Variants in ZNF385D observed in about 807,000 individuals in gnomAD.
The protein encoded by ZNF385D is zinc finger protein 659.
In ZNF385D, 15 loss-of-function variants were observed where a neutral mutation model predicts 35.8. That is an observed-to-expected ratio of 0.42 (90% CI 0.28 to 0.64). The LOEUF (loss-of-function observed/expected upper bound fraction) is 0.64. Ranked by LOEUF, ZNF385D falls within the 30% of genes least tolerant of loss-of-function variation. The probability of loss-of-function intolerance (pLI) is 0.23; values close to 1 mark genes in which losing one functional copy is unlikely to be tolerated. For missense variants in ZNF385D, 474 were observed against 494.6 expected (o/e 0.96, Z 0.39); for synonymous variants, 212 against 186.8 (o/e 1.13, Z -1.10).
chr3:21,417,898 G>T lies in ZNF385D; in HGVS notation c.*3316C>A, dbSNP rs761899598. 6.6e-6 allele frequency: 1 copy of T among 152,124 alleles called. No homozygotes were observed. The highest frequency in any genetic ancestry group is 2.4e-5 in the African/African-American group (1 of 41,438). The allele number at this position is 152,124 out of a possible 1,614,324, so 9.4% of individuals were successfully genotyped here. A position where few individuals can be genotyped will look rare whatever the true frequency, so the allele number is the denominator to read the frequency against. On this transcript the variant is annotated 3_prime_UTR_variant, in exon 8 of 8. Coordinates refer to ENST00000281523, the MANE Select transcript of ZNF385D (RefSeq NM_024697.3). ...AGAAGCCAAATAGTACCTAAAGATA[G>T]AAATCCTTTCAAATGAGGCAGGGGT...
rs927458589 is a variant in ZNF385D at position 22,104,971 on chromosome 3, T to C, written c.325+63846A>G. Among the ~76,000 whole-genome samples, 23 of 152,148 alleles carry C rather than the reference T, an allele frequency of 1.5e-4. 1 individual carries two copies. Among genetic ancestry groups the C allele is most frequent in the African/African-American group, 4.3e-4 (18 of 41,438 alleles). On this transcript the variant is annotated intron_variant, in intron 3 of 5. Transcript: ENST00000494108. Reference sequence around the variant, plus strand: ...TGCAACTTGCCACAACGTCTTTACATTGACCCAGTATTATTAGAGAATGAA... The same window carrying C: ...TGCAACTTGCCACAACGTCTTTACACTGACCCAGTATTATTAGAGAATGAA...
intron 3 of ZNF385D, among the ~76,000 whole-genome samples, chr3:22,079,636 C>T (rs1020506588): frequency 1.3e-5 from 2 of 151,926 alleles, no homozygotes; most frequent in Non-Finnish European, 2.9e-5. Flanking sequence ...CAGGGAGATA[C>T]TGCACTAAAG....
chr3:22,288,612 G>A (rs931741428), intron 2 of ZNF385D, among the ~76,000 whole-genome samples: 10 of 151,886 alleles, frequency 6.6e-5, no homozygotes, highest in Non-Finnish European at 1.2e-4. Flanking sequence ...TCTCTTTGTT[G>A]AAATTCTCAG....
rs140115010 is a variant in ZNF385D at position 21,662,605 on chromosome 3, G to C, written c.165+2281C>G. Among the ~76,000 whole-genome samples, 546 of 152,246 alleles carry C rather than the reference G, an allele frequency of 3.6e-3. 4 individuals carry two copies. Among genetic ancestry groups the C allele is most frequent in the African/African-American group, 0.012 (501 of 41,540 alleles). ...TGAGTCAAAAGCTACCTGATTATGG[G>C]CTTTCCAACAATTCACTTCAGTTGG... On this transcript the variant is annotated intron_variant, in intron 2 of 7. Transcript: ENST00000281523.
intron 3 of ZNF385D, among the ~76,000 whole-genome samples, chr3:21,975,183 A>T (rs1478266152): frequency 6.6e-6 from 1 of 152,200 alleles, no homozygotes; most frequent in African/African-American, 2.4e-5. Flanking sequence ...TCAACAGACA[A>T]ATTGATAAGG....
At chr3:21,871,183 C>T (rs1392001328) in intron 3 of ZNF385D, among the ~76,000 whole-genome samples, 1 of 152,058 alleles carries the variant, frequency 6.6e-6, no homozygotes, top group Non-Finnish European at 1.5e-5. Context: ...TGCTGTTGTA[C>T]CAGGTCCTGT....
At chr3:21,526,176 A>T (rs1309227821) in intron 3 of ZNF385D, among the ~76,000 whole-genome samples, 2 of 152,164 alleles carry the variant, frequency 1.3e-5, no homozygotes, top group Non-Finnish European at 2.9e-5. Flanking sequence ...ACTAAGAGAA[A>T]TCAAGCATGA....
intron 3 of ZNF385D, among the ~76,000 whole-genome samples, chr3:22,105,820 A>G (rs1702182428): frequency 6.6e-6 from 1 of 152,196 alleles, no homozygotes; most frequent in Non-Finnish European, 1.5e-5. Context: ...TCTCACAGAC[A>G]AAATAATGTT....
At chr3:21,585,062 T>A (rs75536370) in intron 2 of ZNF385D, among the ~76,000 whole-genome samples, 1 of 139,924 alleles carries the variant, frequency 7.1e-6, no homozygotes, top group African/African-American at 2.7e-5. Flanking sequence ...GTGCCAGTTT[T>A]TGAAATATAA....
intron 3 of ZNF385D, among the ~76,000 whole-genome samples, chr3:22,166,017 A>G (rs1706294984): frequency 1.4e-5 from 2 of 140,550 alleles, no homozygotes; most frequent in Admixed American, 1.4e-4. Flanking sequence ...TTTTGGCTCC[A>G]GGATCTCCCC....
intron 3 of ZNF385D, among the ~76,000 whole-genome samples, chr3:22,080,245 C>A (rs534384630): frequency 6.6e-6 from 1 of 152,172 alleles, no homozygotes; most frequent in East Asian, 1.9e-4. Flanking sequence ...GTTACTGACA[C>A]AGTAGAGTCT....
intron 2 of ZNF385D, among the ~76,000 whole-genome samples, chr3:21,615,955 G>A (rs1451375077): frequency 6.6e-6 from 1 of 152,040 alleles, no homozygotes; most frequent in Non-Finnish European, 1.5e-5. Flanking sequence ...ACAACTTTCT[G>A]AAAGGCTAAT....
At chr3:22,261,961 G>A (rs1019701145) in intron 2 of ZNF385D, among the ~76,000 whole-genome samples, 1 of 151,780 alleles carries the variant, frequency 6.6e-6, no homozygotes, top group Non-Finnish European at 1.5e-5. Context: ...ACCTATTTGA[G>A]TGTGCCACCT....
At chr3:21,441,982 T>C (rs1471615691) in intron 4 of ZNF385D, among the ~76,000 whole-genome samples, 2 of 152,208 alleles carry the variant, frequency 1.3e-5, no homozygotes, top group Non-Finnish European at 1.5e-5. Context: ...ACTGTCACTA[T>C]TTGGCTTTGG....
At chr3:21,877,150 AC>A (rs1425544872) in intron 3 of ZNF385D, among the ~76,000 whole-genome samples, 1 of 152,132 alleles carries the variant, frequency 6.6e-6, no homozygotes, top group Non-Finnish European at 1.5e-5. Context: ...CATGTGGAAC[AC>A]CAAAACACTG....
At position 21,415,631 on chromosome 3, in the gene ZNF385D, G is replaced by T. The variant is rs116215235; in HGVS notation, c.*5583C>A. On this transcript the variant is annotated 3_prime_UTR_variant, in exon 8 of 8. Coordinates refer to ENST00000281523, the MANE Select transcript of ZNF385D (RefSeq NM_024697.3). ...TATATAAGCATTAACCTTAGAACTC[G>T]TCACTATACTATTACTTATTTTTAA... 1 of 151,888 alleles carries T rather than the reference G, an allele frequency of 6.6e-6. No individual in the cohort carries two copies. The highest frequency in any genetic ancestry group is 1.5e-5 in the Non-Finnish European group (1 of 67,972). 9.4% of individuals were successfully genotyped at this position (151,888 alleles called of 1,614,324 possible).
chr3:21,630,171 A>AG (rs1317137697), intron 2 of ZNF385D, among the ~76,000 whole-genome samples: 1 of 151,734 alleles, frequency 6.6e-6, no homozygotes, highest in Non-Finnish European at 1.5e-5. Context: ...ATTCAAAATC[A>AG]GGATTGTTCA....
At chr3:22,235,994 A>AAATGCAC (rs1231493481) in intron 2 of ZNF385D, among the ~76,000 whole-genome samples, 1 of 152,174 alleles carries the variant, frequency 6.6e-6, no homozygotes, top group Non-Finnish European at 1.5e-5. Context: ...GGGGCTCACA[A>AAATGCAC]AATGCACAAG....
chr3:22,101,337 C>T (rs548075958), intron 3 of ZNF385D, among the ~76,000 whole-genome samples: 1 of 151,988 alleles, frequency 6.6e-6, no homozygotes, highest in African/African-American at 2.4e-5. Flanking sequence ...TATAGATACA[C>T]ATACATAACC....
Sources: allele counts gnomAD v4.1 joint callset (sites outside exome capture counted in the v4.1 genomes callset), GRCh38; gene constraint gnomAD v4.1.1; transcripts MANE v1.5; gene names NCBI Gene and HGNC (gene_info 2026-07-23, HGNC 2026-07-21).